The following BANK1 variants were observed in gnomAD, a reference collection of about 807,000 sequenced individuals.
BANK1 encodes B cell scaffold protein with ankyrin repeats 1, also known as B-cell scaffold protein with ankyrin repeats.
A neutral mutation model predicts 94.5 loss-of-function variants in BANK1; 95 were observed. The ratio of observed to expected loss-of-function variants is 1.00; its 90% CI spans 0.85 to 1.19. BANK1 has a LOEUF of 1.19. Ranked by LOEUF, BANK1 falls within the 50% of genes most tolerant of loss-of-function variation. The pLI, the probability that BANK1 is intolerant of heterozygous loss-of-function variation, is 0.00. For synonymous variants in BANK1, 334 were observed against 308.4 expected, an observed-to-expected ratio of 1.08 and a Z score of -0.87; for missense variants, 987 against 932.2, an observed-to-expected ratio of 1.06 and a Z score of -0.77.
At chr4:102,044,164 G>A (rs929478657) in intron 11 of BANK1, among the ~76,000 whole-genome samples, 1 of 151,874 alleles carries the variant, frequency 6.6e-6, no homozygotes, top group Non-Finnish European at 1.5e-5. Flanking sequence ...TATATCTCCC[G>A]ATGCTATCCC....
At chr4:101,969,060 A>G (rs1403840479) in intron 7 of BANK1, among the ~76,000 whole-genome samples, 2 of 151,970 alleles carry the variant, frequency 1.3e-5, no homozygotes, top group South Asian at 2.1e-4. Context: ...AGTCGTCTCT[A>G]CCATAGACTC....
chr4:101,959,342 A>G (rs756942018), intron 7 of BANK1, among the ~76,000 whole-genome samples: 2 of 151,850 alleles, frequency 1.3e-5, no homozygotes, highest in Non-Finnish European at 2.9e-5. Flanking sequence ...ATTTCACCAT[A>G]TTGGCCAGGC....
intron 2 of BANK1, among the ~76,000 whole-genome samples, chr4:101,834,691 C>T (rs1440115433): frequency 6.6e-6 from 1 of 152,102 alleles, no homozygotes; most frequent in Admixed American, 6.6e-5. Context: ...TCAGATTTTA[C>T]TGTCCCTTTT....
intron 7 of BANK1, among the ~76,000 whole-genome samples, chr4:102,018,733 G>A (rs1419134457): frequency 6.6e-6 from 1 of 151,764 alleles, no homozygotes; most frequent in Non-Finnish European, 1.5e-5. Context: ...TGTGTGTCAA[G>A]ATAATTTTTT....
intron 1 of BANK1, among the ~76,000 whole-genome samples, chr4:101,807,282 A>G (rs972278998): frequency 2.0e-5 from 3 of 152,222 alleles, no homozygotes; most frequent in Non-Finnish European, 4.4e-5. Flanking sequence ...AGCACTTTAT[A>G]TCACTGCCGT....
At chr4:101,910,281 G>A (rs1722618663) in intron 6 of BANK1, among the ~76,000 whole-genome samples, 1 of 152,118 alleles carries the variant, frequency 6.6e-6, no homozygotes, top group South Asian at 2.1e-4. Context: ...ACCACTGAGT[G>A]AACAGTAATT....
chr4:102,044,329 A>G (rs1254647142), intron 11 of BANK1, among the ~76,000 whole-genome samples: 5 of 152,012 alleles, frequency 3.3e-5, no homozygotes, highest in Non-Finnish European at 2.9e-5. Context: ...ATGATTTCCA[A>G]TTTCATCCAT....
At chr4:101,995,766 T>A (rs961697878) in intron 7 of BANK1, among the ~76,000 whole-genome samples, 1 of 152,220 alleles carries the variant, frequency 6.6e-6, no homozygotes, top group Admixed American at 6.5e-5. Flanking sequence ...TCTGTTCATA[T>A]CCTTCACCCA....
chr4:101,974,617 C>G (rs1725062868), intron 7 of BANK1, among the ~76,000 whole-genome samples: 1 of 152,086 alleles, frequency 6.6e-6, no homozygotes, highest in Non-Finnish European at 1.5e-5. Flanking sequence ...GGCCCTAAAT[C>G]TAATACATTT....
At chr4:101,978,709 G>A (rs1379669537) in intron 7 of BANK1, among the ~76,000 whole-genome samples, 1 of 151,844 alleles carries the variant, frequency 6.6e-6, no homozygotes, top group African/African-American at 2.4e-5. Flanking sequence ...AAGAATTGTG[G>A]CTTGACCACA....
intron 11 of BANK1, among the ~76,000 whole-genome samples, chr4:102,047,642 C>T (rs1048630047): frequency 1.3e-5 from 2 of 152,076 alleles, no homozygotes; most frequent in South Asian, 4.2e-4. Flanking sequence ...GGAGAAAAAT[C>T]CCTGAAGTGT....
intron 7 of BANK1, among the ~76,000 whole-genome samples, chr4:101,958,775 G>T (rs1724460391): frequency 6.6e-6 from 1 of 152,190 alleles, no homozygotes; most frequent in African/African-American, 2.4e-5. Context: ...TCTCGGCAGA[G>T]TTCTTGATGC....
chr4:101,897,658 C>T (rs1243790754), intron 6 of BANK1, among the ~76,000 whole-genome samples: 1 of 152,018 alleles, frequency 6.6e-6, no homozygotes, highest in African/African-American at 2.4e-5. Flanking sequence ...AACTTGGCTG[C>T]ATATTGCAAT....
At chr4:101,886,907 C>T (rs1280446481) in intron 5 of BANK1, among the ~76,000 whole-genome samples, 1 of 152,088 alleles carries the variant, frequency 6.6e-6, no homozygotes, top group Non-Finnish European at 1.5e-5. Context: ...GCTAGTCGTT[C>T]CCCAGTATTT....
chr4:101,967,655 A>G (rs1044032293), intron 7 of BANK1, among the ~76,000 whole-genome samples: 3 of 152,002 alleles, frequency 2.0e-5, no homozygotes, highest in African/African-American at 7.2e-5. Flanking sequence ...CACACAGCTC[A>G]TATATAGCAG....
intron 5 of BANK1, among the ~76,000 whole-genome samples, chr4:101,878,769 G>A (rs1422886098): frequency 6.6e-6 from 1 of 152,010 alleles, no homozygotes; most frequent in Non-Finnish European, 1.5e-5. Flanking sequence ...TGACCACAAT[G>A]GAGTAAAATT....
At chr4:101,949,773 A>T (rs1348845363) in intron 7 of BANK1, among the ~76,000 whole-genome samples, 1 of 152,168 alleles carries the variant, frequency 6.6e-6, no homozygotes, top group African/African-American at 2.4e-5. Context: ...ACGTACAGGA[A>T]AATGTTCATC....
At chr4:101,899,847 AC>A (rs1368312510) in intron 6 of BANK1, among the ~76,000 whole-genome samples, 2 of 152,230 alleles carry the variant, frequency 1.3e-5, no homozygotes, top group Non-Finnish European at 2.9e-5. Flanking sequence ...AGAAGACAGG[AC>A]ATTCTTACAG....
intron 1 of BANK1, among the ~76,000 whole-genome samples, chr4:101,806,318 G>A (rs917478369): frequency 2.0e-5 from 3 of 146,390 alleles, no homozygotes; most frequent in African/African-American, 7.6e-5. Context: ...TTTTGCTCTC[G>A]CTCCATATAA....
Sources: gnomAD v4.1 joint callset for allele counts (sites outside exome capture counted in the v4.1 genomes callset) on GRCh38, gnomAD v4.1.1 for gene constraint, MANE v1.5 for transcripts, NCBI Gene and HGNC (gene_info 2026-07-23, HGNC 2026-07-21) for gene names.